The following DYNC2H1 variants were observed in gnomAD, a reference collection of about 807,000 sequenced individuals.
DYNC2H1 encodes the protein cytoplasmic dynein 2 heavy chain 1.
Under a neutral mutation model 570.0 loss-of-function variants are expected in DYNC2H1, and 410 were observed. The observed-to-expected ratio is 0.72, with a 90% CI of 0.66 to 0.78. DYNC2H1 has a LOEUF of 0.78. Ranked by LOEUF, DYNC2H1 falls within the 30% of genes least tolerant of loss-of-function variation. The probability of loss-of-function intolerance (pLI) is 0.00; values close to 1 mark genes in which losing one functional copy is unlikely to be tolerated. For missense variants in DYNC2H1, 4,865 were observed against 5,046.4 expected, an observed-to-expected ratio of 0.96 and a Z score of 1.09; for synonymous variants, 1,688 against 1,677.6, an observed-to-expected ratio of 1.01 and a Z score of -0.15.
At position 103,186,532 on chromosome 11, in the gene DYNC2H1, G is replaced by A; in HGVS notation, c.6893+31G>A. ...AAAAATATTGGCAAAGGTATATGTT[G>A]TGGATTTATTCCTGCCGCCCCTAAT... On this transcript the variant is annotated intron_variant, in intron 42 of 88. Transcript: ENST00000375735. The surrounding 1 kb of genome is among the most constrained non-coding windows in gnomAD (Gnocchi z 4.5). 1 of 1,592,348 alleles carries A rather than the reference G, an allele frequency of 6.3e-7. No individual in the cohort carries two copies.
chr11:103,257,557 C>T, intron 68 of DYNC2H1, 51 bp from the exon 69 acceptor site: 1 of 1,521,808 alleles, frequency 6.6e-7, no homozygotes, highest in Non-Finnish European at 8.8e-7. Flanking sequence ...CAGTAAAGCA[C>T]TAATTCTAAG....
rs564331615 is a variant in DYNC2H1 at position 103,156,511 on chromosome 11, A to G, written c.3868A>G (p.Lys1290Glu). 3 of 1,613,812 alleles carry G rather than the reference A, an allele frequency of 1.9e-6. No homozygotes were observed. In the African/African-American group the frequency reaches 4.0e-5, roughly 22 times the overall value. ...DYEDSQSRTM[K>E]LIKDWKDIVN... is the part of the protein sequence containing the mutation. ...TGAAGACAGCCAAAGTCGAACTATGAAGCTGATTAAAGACTGGAAAGATAT... is the reference window on the plus strand; with the variant it reads ...TGAAGACAGCCAAAGTCGAACTATGGAGCTGATTAAAGACTGGAAAGATAT... Residue 1290 changes from lysine to glutamate, a missense_variant, in exon 26 of 89, where the codon AAG (lysine) becomes GAG (glutamate). By Grantham distance (56) the Lys-to-Glu change is moderately conservative. Transcript: ENST00000375735.
intron 22 of DYNC2H1, among the ~76,000 whole-genome samples, chr11:103,153,895 A>C (rs1036898313): frequency 8.6e-5 from 13 of 151,952 alleles, no homozygotes; most frequent in African/African-American, 3.1e-4. Context: ...AAAGAAAAAA[A>C]TGAGTTGTTG....
intron 12 of DYNC2H1, among the ~76,000 whole-genome samples, chr11:103,125,754 A>G (rs988521202): frequency 4.6e-5 from 7 of 152,200 alleles, no homozygotes; most frequent in Non-Finnish European, 8.8e-5. Context: ...GCTCCATAAC[A>G]TGGCATACAA....
At chr11:103,238,518 G>C (rs796464795) in intron 63 of DYNC2H1, among the ~76,000 whole-genome samples, 1 of 151,214 alleles carries the variant, frequency 6.6e-6, no homozygotes, top group South Asian at 2.1e-4. Context: ...GTAGTGAGCC[G>C]AGATCACACC....
intron 85 of DYNC2H1, among the ~76,000 whole-genome samples, chr11:103,436,731 T>C (rs991893144): frequency 3.3e-5 from 5 of 152,156 alleles, no homozygotes; most frequent in African/African-American, 9.7e-5. Flanking sequence ...CCCCTAAGCA[T>C]ACATGTTATT....
At chr11:103,310,683 TTTTTTTTTTTTTTTTG>T (rs1867541025) in intron 78 of DYNC2H1, among the ~76,000 whole-genome samples, 1 of 84,950 alleles carries the variant, frequency 1.2e-5, no homozygotes, top group Non-Finnish European at 2.3e-5. Flanking sequence ...CTTTTTTTTT[TTTTTTTTTTTTTTTTG>T]GGAGACTGAG....
At chr11:103,221,053 A>G (rs748726919) in intron 57 of DYNC2H1, among the ~76,000 whole-genome samples, 29 of 152,172 alleles carry the variant, frequency 1.9e-4, no homozygotes, top group Admixed American at 4.6e-4. Context: ...ATAATAATAT[A>G]TTTGGTCCAT....
At chr11:103,172,956 G>A (rs936158447) in intron 34 of DYNC2H1, 126 bp from the exon 35 acceptor site, 3 of 403,004 alleles carry the variant, frequency 7.4e-6, no homozygotes, top group Non-Finnish European at 1.1e-5. Context: ...GTAGTAATAT[G>A]TCACAATAAA....
chr11:103,124,308 A>G (rs1858873636), intron 11 of DYNC2H1, among the ~76,000 whole-genome samples: 1 of 151,810 alleles, frequency 6.6e-6, no homozygotes, highest in South Asian at 2.1e-4. Context: ...TTAGCCGAAC[A>G]TGGTGGCTTG....
At chr11:103,310,346 T>A (rs1250739644) in intron 78 of DYNC2H1, among the ~76,000 whole-genome samples, 11 of 152,144 alleles carry the variant, frequency 7.2e-5, no homozygotes, top group East Asian at 1.9e-4. Context: ...TTGTTCTAAG[T>A]CTGAATTTGC....
chr11:103,392,621 T>C (rs964620861), intron 83 of DYNC2H1, among the ~76,000 whole-genome samples: 1 of 152,002 alleles, frequency 6.6e-6, no homozygotes, highest in Non-Finnish European at 1.5e-5. Flanking sequence ...TCGGCCATCT[T>C]GGCTCCACCC....
At position 103,187,404 on chromosome 11, in the gene DYNC2H1, G is replaced by A. The variant is rs755381286; in HGVS notation, c.6958G>A (p.Ala2320Thr). ...TCAAATTGCTACAGTTCACTGTAGT[G>A]CACAAACCACTTCTCGACATCTCCT... is the stretch of plus-strand genomic sequence containing the variant. ...STQIATVHCS[A>T]QTTSRHLLQK... Residue 2320 changes from alanine to threonine, a missense_variant, in exon 43 of 89, where the codon GCA (alanine) becomes ACA (threonine). Ala to Thr is a moderately conservative substitution (Grantham distance 58). Around this residue, in one of 5 missense-constraint regions of DYNC2H1, gnomAD observed 2,401 missense variants for 2,454.6 expected, o/e 0.98. Coordinates refer to ENST00000375735, the MANE Select transcript of DYNC2H1 (RefSeq NM_001377.3). 8.7e-6 allele frequency: 14 copies of A among 1,613,052 alleles called. No individual in the cohort carries two copies. Among genetic ancestry groups the A allele is most frequent in the Admixed American group, 1.7e-5 (1 of 59,900 alleles).
At chr11:103,128,808 AT>A in intron 12 of DYNC2H1, 101 bp from the exon 13 acceptor site, 2 of 1,033,872 alleles carry the variant, frequency 1.9e-6, no homozygotes, top group South Asian at 3.4e-5. Flanking sequence ...TTCTGTTTAA[AT>A]TTTAGGATTG....
intron 60 of DYNC2H1, among the ~76,000 whole-genome samples, chr11:103,232,358 A>G (rs986612078): frequency 6.6e-5 from 10 of 152,012 alleles, no homozygotes; most frequent in Admixed American, 5.9e-4. Flanking sequence ...AGCTAGTAAA[A>G]TACTAAGCCA....
intron 83 of DYNC2H1, among the ~76,000 whole-genome samples, chr11:103,398,352 G>T (rs1024402319): frequency 2.0e-5 from 3 of 152,100 alleles, no homozygotes; most frequent in Non-Finnish European, 2.9e-5. Context: ...AATGATTTCA[G>T]AGTATTAATA....
At chr11:103,431,818 T>A (rs1565594317) in intron 84 of DYNC2H1, among the ~76,000 whole-genome samples, 1 of 152,100 alleles carries the variant, frequency 6.6e-6, no homozygotes, top group East Asian at 1.9e-4. Flanking sequence ...GTGAATATGG[T>A]GAATGAGGCA....
intron 85 of DYNC2H1, 98 bp from the exon 86 acceptor site, chr11:103,455,088 T>C (rs981729097): frequency 3.9e-6 from 3 of 776,428 alleles, no homozygotes; most frequent in Non-Finnish European, 6.2e-6. Context: ...TTTCAGAGCA[T>C]TTGGAAGCTG....
At position 103,326,626 on chromosome 11, in the gene DYNC2H1, C is replaced by G. The variant is rs975702761; in HGVS notation, c.12039+2636C>G. Among the ~76,000 whole-genome samples the G allele has an allele frequency of 6.6e-6, 1 of 152,164 alleles. No individual in the cohort carries two copies. The highest frequency in any genetic ancestry group is 2.4e-5 in the African/African-American group (1 of 41,436). On this transcript the variant is annotated intron_variant, in intron 82 of 88. Coordinates refer to ENST00000375735, the MANE Select transcript of DYNC2H1 (RefSeq NM_001377.3). This position sits in a 1 kb window ranked among gnomAD's most constrained non-coding sequence, Gnocchi z 6.1. Reference sequence around the variant, plus strand: ...GCAGCACTGGGGGATCTGAAGTGCCCCTAGGTTACTTGGAAAATACTCAGA... The same window carrying G: ...GCAGCACTGGGGGATCTGAAGTGCCGCTAGGTTACTTGGAAAATACTCAGA...
Sources: allele counts gnomAD v4.1 joint callset (sites outside exome capture counted in the v4.1 genomes callset), GRCh38; gene constraint gnomAD v4.1.1; regional missense constraint gnomAD v4.1.1; non-coding constraint Gnocchi (gnomAD v3.1); transcripts MANE v1.5; gene names NCBI Gene and HGNC (gene_info 2026-07-23, HGNC 2026-07-21).